GNAL: variants seen among roughly 807,000 people sequenced by gnomAD.
The protein encoded by GNAL is guanine nucleotide-binding protein G(olf) subunit alpha.
Under a neutral mutation model 55.1 loss-of-function variants are expected in GNAL, and 18 were observed. The observed-to-expected ratio is 0.33, with a 90% confidence interval of 0.23 to 0.48. The LOEUF is 0.48. GNAL is among the 20% of genes least tolerant of loss of function. GNAL has a pLI of 0.99. For synonymous variants in GNAL, 253 were observed against 237.0 expected (o/e 1.07, Z -0.62); for missense variants, 412 against 614.1 (o/e 0.67, Z 3.48).
intron 4 of GNAL, among the ~76,000 whole-genome samples, chr18:11,786,358 A>T (rs2034055666): frequency 6.7e-6 from 1 of 149,320 alleles, no homozygotes; most frequent in Admixed American, 6.7e-5. Context: ...AGAGGGTCAG[A>T]TCTGAATGAG....
rs192684515 is a variant in GNAL at position 11,753,800 on chromosome 18, A to T, written c.505-26A>T. The T allele has an allele frequency of 1.2e-3, 1,902 of 1,577,408 alleles. 20 individuals are homozygous for T. In the African/African-American group the frequency reaches 0.023, roughly 19 times the overall value. On this transcript the variant is annotated intron_variant, in intron 3 of 11. Coordinates refer to ENST00000334049, the MANE Select transcript of GNAL (RefSeq NM_182978.4). ...ATACATGGAGCCTAAATGTTTATCC[A>T]TATTTTTTTTCTTATTCCATTTTAG...
rs562352669 is a variant in GNAL at position 11,832,886 on chromosome 18, A to G, written c.722+7871A>G. Reference sequence around the variant, plus strand: ...AAAATAAATAAATAAATAAATAAAAATTTTAAAAAATGAGATGAAAGGAAC... The same window carrying G: ...AAAATAAATAAATAAATAAATAAAAGTTTTAAAAAATGAGATGAAAGGAAC... On this transcript the variant is annotated intron_variant, in intron 5 of 11. Transcript: ENST00000334049. Among the ~76,000 whole-genome samples the G allele has an allele frequency of 8.5e-5, 13 of 152,128 alleles. No individual in the cohort carries two copies. The South Asian group carries it at 2.7e-3, about 32-fold the overall frequency.
chr18:11,698,718 A>AT (rs2031483838), intron 1 of GNAL, among the ~76,000 whole-genome samples: 1 of 143,782 alleles, frequency 7.0e-6, no homozygotes, highest in African/African-American at 2.9e-5. Flanking sequence ...TGAGACTGGA[A>AT]TGGTGGGTGC....
chr18:11,761,354 T>A (rs2033237145), intron 4 of GNAL, among the ~76,000 whole-genome samples: 1 of 152,154 alleles, frequency 6.6e-6, no homozygotes, highest in Non-Finnish European at 1.5e-5. Flanking sequence ...CTCATCCCCA[T>A]GCCCTCTCAG....
chr18:11,868,725 C>T lies in GNAL; in HGVS notation c.1031+62C>T, dbSNP rs529477689. On this transcript the variant is annotated intron_variant, in intron 9 of 11. Coordinates refer to ENST00000334049, the MANE Select transcript of GNAL (RefSeq NM_182978.4). This position sits in a 1 kb window ranked among gnomAD's most constrained non-coding sequence, Gnocchi z 4.0. ...TGCAAATTTTCTTTTGTTAAAAATA[C>T]GCTCAGGCCAGGCGTTGTGGCTCAC... 336 of 1,448,660 alleles carry T rather than the reference C, an allele frequency of 2.3e-4. No homozygotes were observed. The highest frequency in any genetic ancestry group is 1.8e-3 in the African/African-American group (130 of 70,940). The allele number at this position is 1,448,660 out of a possible 1,614,324, so 89.7% of individuals were successfully genotyped here.
At chr18:11,871,357 T>A (rs1475267150) in intron 9 of GNAL, among the ~76,000 whole-genome samples, 2 of 151,890 alleles carry the variant, frequency 1.3e-5, no homozygotes, top group Non-Finnish European at 2.9e-5. Flanking sequence ...TTCAAGCGAT[T>A]CTCCTGCCTC....
chr18:11,755,362 C>T (rs1328582887), intron 4 of GNAL, among the ~76,000 whole-genome samples: 1 of 152,184 alleles, frequency 6.6e-6, no homozygotes, highest in Non-Finnish European at 1.5e-5. Context: ...AAAGCTCCGC[C>T]TCCCGGGTTC....
chr18:11,825,317 C>T (rs1447936583), intron 5 of GNAL, among the ~76,000 whole-genome samples: 7 of 152,018 alleles, frequency 4.6e-5, no homozygotes, highest in Admixed American at 2.6e-4. Context: ...AGTGAACTTC[C>T]ATGGTTATTG....
intron 5 of GNAL, among the ~76,000 whole-genome samples, chr18:11,851,176 T>G (rs2035849767): frequency 6.6e-6 from 1 of 152,252 alleles, no homozygotes. Context: ...GCACTAATTT[T>G]TGTGAATTGA....
chr18:11,805,898 AT>A (rs2034645701), intron 4 of GNAL, among the ~76,000 whole-genome samples: 2 of 152,154 alleles, frequency 1.3e-5, no homozygotes, highest in African/African-American at 4.8e-5. Context: ...TGGTAGTTCT[AT>A]TTTTGATTAT....
chr18:11,862,476 C>T, intron 6 of GNAL, 27 bp downstream of exon 6: 1 of 1,498,408 alleles, frequency 6.7e-7, no homozygotes, highest in East Asian at 2.3e-5. Flanking sequence ...TCCCCCACCA[C>T]ACACCAGAAA....
chr18:11,691,429 T>C (rs2031244344), intron 1 of GNAL, among the ~76,000 whole-genome samples: 1 of 150,288 alleles, frequency 6.7e-6, no homozygotes, highest in South Asian at 2.1e-4. Flanking sequence ...ACTCTGATGG[T>C]AGTTTCTTTT....
intron 1 of GNAL, among the ~76,000 whole-genome samples, chr18:11,691,442 T>G (rs1407141769): frequency 2.7e-5 from 4 of 150,766 alleles, no homozygotes; most frequent in Non-Finnish European, 5.9e-5. Flanking sequence ...TTTCTTTTGC[T>G]GTGCAGAAGC....
At chr18:11,786,509 C>T (rs868545996) in intron 4 of GNAL, among the ~76,000 whole-genome samples, 29 of 114,076 alleles carry the variant, frequency 2.5e-4, no homozygotes, top group African/African-American at 9.2e-4. Context: ...AGTGCAGTGG[C>T]GCTGTCTCAG....
intron 1 of GNAL, among the ~76,000 whole-genome samples, chr18:11,704,504 A>G (rs1052332894): frequency 6.6e-6 from 1 of 152,086 alleles, no homozygotes; most frequent in African/African-American, 2.4e-5. Context: ...AAGTACCCCC[A>G]TCTGTAATAT....
At chr18:11,747,919 C>CTA (rs2032727414) in intron 1 of GNAL, among the ~76,000 whole-genome samples, 1 of 152,022 alleles carries the variant, frequency 6.6e-6, no homozygotes, top group African/African-American at 2.4e-5. Context: ...GGTGTGTTGC[C>CTA]GGGGAGCGCA....
At chr18:11,811,525 C>T (rs1282671530) in intron 4 of GNAL, 2 of 152,218 alleles carry the variant, frequency 1.3e-5, no homozygotes, top group African/African-American at 4.8e-5. Flanking sequence ...AGAACCCACC[C>T]ACCCCAGCCG....
At chr18:11,840,399 C>T (rs2035587131) in intron 5 of GNAL, among the ~76,000 whole-genome samples, 1 of 152,152 alleles carries the variant, frequency 6.6e-6, no homozygotes, top group South Asian at 2.1e-4. Flanking sequence ...CTTAACAGAT[C>T]GTTTTGCCAA....
At chr18:11,843,206 A>G (rs2035655987) in intron 5 of GNAL, among the ~76,000 whole-genome samples, 1 of 152,072 alleles carries the variant, frequency 6.6e-6, no homozygotes, top group South Asian at 2.1e-4. Flanking sequence ...TAAAAAAAAA[A>G]AGAAAAAAGG....
Sources: allele counts gnomAD v4.1 joint callset (sites outside exome capture counted in the v4.1 genomes callset), GRCh38; gene constraint gnomAD v4.1.1; non-coding constraint Gnocchi (gnomAD v3.1); transcripts MANE v1.5; gene names NCBI Gene and HGNC (gene_info 2026-07-23, HGNC 2026-07-21).